Variants in TNRC18 observed in about 807,000 individuals in gnomAD.
TNRC18 encodes the protein trinucleotide repeat containing 18.
In TNRC18, 69 loss-of-function variants were observed where a neutral mutation model predicts 226.7. The observed-to-expected ratio is 0.30, with a 90% CI of 0.25 to 0.37. TNRC18 has a LOEUF of 0.37. TNRC18 is among the 10% of genes least tolerant of loss of function. The pLI is 1.00. For synonymous variants in TNRC18, 2,449 were observed against 1,927.6 expected, an observed-to-expected ratio of 1.27 and a Z score of -7.09; for missense variants, 4,754 against 4,256.6, an observed-to-expected ratio of 1.12 and a Z score of -3.25.
At chr7:5,342,999 T>A (rs574434907) in intron 18 of TNRC18, among the ~76,000 whole-genome samples, 1 of 152,280 alleles carries the variant, frequency 6.6e-6, no homozygotes, top group East Asian at 1.9e-4. Flanking sequence ...AAGGTTCAGA[T>A]GATCGTTAGC....
intron 2 of TNRC18, among the ~76,000 whole-genome samples, chr7:5,406,246 C>A (rs6972115): frequency 6.6e-6 from 1 of 151,802 alleles, no homozygotes; most frequent in Non-Finnish European, 1.5e-5. Flanking sequence ...GCAAATCATT[C>A]GAAGTCAGGA....
intron 19 of TNRC18, among the ~76,000 whole-genome samples, chr7:5,330,611 T>A (rs1199669486): frequency 2.0e-5 from 3 of 151,996 alleles, no homozygotes; most frequent in Admixed American, 1.3e-4. Flanking sequence ...CAGTCCTGCA[T>A]GGTAAGTGTG....
chr7:5,363,310 A>G (rs919570883), intron 11 of TNRC18, among the ~76,000 whole-genome samples: 4 of 150,828 alleles, frequency 2.7e-5, no homozygotes, highest in Non-Finnish European at 5.9e-5. Context: ...CTCAAAAAAA[A>G]TAAATAAATA....
At chr7:5,420,280 G>A (rs1163876361) in intron 2 of TNRC18, 7 of 420,802 alleles carry the variant, frequency 1.7e-5, no homozygotes, top group East Asian at 7.2e-5. Flanking sequence ...TGAGACCCAG[G>A]GTTTTCCCCT....
Position 5,354,745 on chromosome 7 carries a change from C to T in TNRC18, c.5194+2171G>A, listed in dbSNP as rs77943904. ...GCTAGCCTAGGACAGACGAAACACACGCACCCTGAAAAAACTAGCAGCTTA... is the reference window on the plus strand; with the variant it reads ...GCTAGCCTAGGACAGACGAAACACATGCACCCTGAAAAAACTAGCAGCTTA... On this transcript the variant is annotated intron_variant, in intron 16 of 29. Transcript: ENST00000430969. Among the ~76,000 whole-genome samples the T allele has an allele frequency of 3.2e-3, 493 of 152,208 alleles. 6 individuals are homozygous for T. Among genetic ancestry groups the T allele is most frequent in the African/African-American group, 0.011 (463 of 41,518 alleles).
At chr7:5,420,646 G>A (rs1312002685) in intron 2 of TNRC18, 3 of 464,608 alleles carry the variant, frequency 6.5e-6, no homozygotes, top group Non-Finnish European at 1.3e-5. Context: ...GGGCCCACGA[G>A]CGCCAAAAGT....
chr7:5,396,958 G>T (rs1780731738), intron 2 of TNRC18, among the ~76,000 whole-genome samples: 1 of 152,218 alleles, frequency 6.6e-6, no homozygotes, highest in South Asian at 2.1e-4. Flanking sequence ...TCTTCTTTGG[G>T]GTACATGTGG....
At chr7:5,400,181 G>A (rs900071471) in intron 2 of TNRC18, among the ~76,000 whole-genome samples, 1 of 152,100 alleles carries the variant, frequency 6.6e-6, no homozygotes, top group African/African-American at 2.4e-5. Flanking sequence ...ACAGACCTGA[G>A]CCATTGAGCC....
At chr7:5,402,320 G>C (rs1270824732) in intron 2 of TNRC18, among the ~76,000 whole-genome samples, 3 of 151,678 alleles carry the variant, frequency 2.0e-5, no homozygotes, top group South Asian at 2.1e-4. Flanking sequence ...GATCACTTGA[G>C]GTCAGGAGTT....
intron 2 of TNRC18, among the ~76,000 whole-genome samples, chr7:5,398,881 C>G (rs1025924020): frequency 7.2e-5 from 11 of 152,164 alleles, no homozygotes; most frequent in African/African-American, 2.7e-4. Context: ...GCCTTGGCCT[C>G]CCAAAGTGCT....
intron 2 of TNRC18, among the ~76,000 whole-genome samples, chr7:5,416,109 CGCAA>C (rs1562643291): frequency 1.8e-5 from 2 of 113,412 alleles, no homozygotes; most frequent in Admixed American, 9.9e-5. Flanking sequence ...AAGACTCTCT[CGCAA>C]AAAAAAAAAA....
intron 15 of TNRC18, among the ~76,000 whole-genome samples, chr7:5,357,678 G>C (rs1209103481): frequency 1.3e-5 from 2 of 152,118 alleles, no homozygotes; most frequent in South Asian, 2.1e-4. Context: ...TTGTAGAGCT[G>C]GGGTTTCATC....
intron 19 of TNRC18, 186 bp from the exon 20 acceptor site, chr7:5,325,434 T>C: frequency 4.8e-6 from 3 of 631,176 alleles, no homozygotes; most frequent in Non-Finnish European, 7.7e-6. Flanking sequence ...TTTTGTTTTT[T>C]TTTTTTTGAG....
Position 5,335,793 on chromosome 7 carries a change from C to T in TNRC18, c.5720-2744G>A, listed in dbSNP as rs374255232. ...CTAAGAAACTGGACTTCAAGTCCCA[C>T]CAAGGAAATATCTGCTAAAACAAAG... On this transcript the variant is annotated intron_variant, in intron 18 of 29. Transcript: ENST00000430969. 6.1e-5 allele frequency among the ~76,000 whole-genome samples: 9 copies of T among 147,496 alleles called. 1 individual carries two copies. In the South Asian group the frequency reaches 1.1e-3, roughly 18 times the overall value.
intron 27 of TNRC18, among the ~76,000 whole-genome samples, chr7:5,310,833 A>C (rs1455739754): frequency 6.6e-6 from 1 of 152,242 alleles, no homozygotes; most frequent in Non-Finnish European, 1.5e-5. Context: ...AGCCTGTCTG[A>C]ACCACCACTT....
chr7:5,326,394 C>T (rs1788912860), intron 19 of TNRC18, among the ~76,000 whole-genome samples: 1 of 152,176 alleles, frequency 6.6e-6, no homozygotes, highest in Non-Finnish European at 1.5e-5. Context: ...CTTACTTTAA[C>T]CACCCCCGCG....
rs1305395119 is a variant in TNRC18 at position 5,388,681 on chromosome 7, G to A, written c.1143C>T (p.Phe381=). ...TCTGGATGGGCCCCGGGCGCTCGTC[G>A]AAGGCCTCCACGGAAGGCACGAAGG... ...APTFVPSVEA[F]DERPGPIQIA... Residue 381 remains phenylalanine, a synonymous_variant, in exon 5 of 30, where the codon TTC becomes TTT. Transcript: ENST00000430969. 20 of 1,266,108 alleles carry A rather than the reference G, an allele frequency of 1.6e-5. No individual in the cohort carries two copies. The highest frequency in any genetic ancestry group is 1.6e-5 in the African/African-American group (1 of 62,316). The allele number at this position is 1,266,108 out of a possible 1,614,324, so 78.4% of individuals were successfully genotyped here.
chr7:5,385,427 G>C (rs971985979), intron 5 of TNRC18, among the ~76,000 whole-genome samples: 1 of 145,596 alleles, frequency 6.9e-6, no homozygotes, highest in African/African-American at 2.5e-5. Flanking sequence ...AGCGGAGCTT[G>C]CAGTGAGCCG....
intron 2 of TNRC18, among the ~76,000 whole-genome samples, chr7:5,409,256 A>G (rs1048287591): frequency 1.3e-4 from 20 of 152,158 alleles, no homozygotes; most frequent in African/African-American, 4.8e-4. Flanking sequence ...GAGAAAACAA[A>G]GACAATGCAT....
Sources: gnomAD v4.1 joint callset for allele counts (sites outside exome capture counted in the v4.1 genomes callset) on GRCh38, gnomAD v4.1.1 for gene constraint, MANE v1.5 for transcripts, NCBI Gene and HGNC (gene_info 2026-07-23, HGNC 2026-07-21) for gene names.